The following CMTR1 variants were observed in gnomAD, a reference collection of about 807,000 sequenced individuals.
The protein encoded by CMTR1 is cap methyltransferase 1, also known as cap-specific mRNA (nucleoside-2'-O-)-methyltransferase 1.
In CMTR1, 39 loss-of-function variants were observed where a neutral mutation model predicts 107.0. The observed-to-expected ratio is 0.36, with a 90% CI of 0.28 to 0.48. The LOEUF (loss-of-function observed/expected upper bound fraction) is 0.48. CMTR1 is among the 20% of genes least tolerant of loss of function. CMTR1 has a pLI of 0.99. For missense variants in CMTR1, 672 were observed against 1,064.9 expected (o/e 0.63, Z 5.14); for synonymous variants, 366 against 379.5 (o/e 0.96, Z 0.41).
chr6:37,450,121 G>A, intron 4 of CMTR1, 130 bp from the exon 5 acceptor site: 1 of 677,670 alleles, frequency 1.5e-6, no homozygotes, highest in Non-Finnish European at 2.5e-6. Flanking sequence ...ACTGCATTTG[G>A]CTTCAGCAAC....
chr6:37,480,062 G>T lies in CMTR1; in HGVS notation c.2425G>T (p.Val809Leu). ...CTGGGAGTGGGGGGATGGCATTCGT[G>T]TGCATGACTCCCAGAAGCCCCAGGA... ...LFWEWGDGIR[V>L]HDSQKPQDQD... is the part of the protein sequence containing the mutation. Residue 809 changes from valine (V) to leucine (L), a missense_variant, in exon 24 of 24, where the codon GTG (valine) becomes TTG (leucine). By Grantham distance (32) the Val-to-Leu change is conservative. Coordinates refer to ENST00000373451, the MANE Select transcript of CMTR1 (RefSeq NM_015050.3). 5.0e-6 allele frequency: 8 copies of T among 1,584,586 alleles called. No homozygotes were observed. Among genetic ancestry groups the T allele is most frequent in the Non-Finnish European group, 6.8e-6 (8 of 1,169,370 alleles).
chr6:37,479,081 T>C (rs1258429285), intron 22 of CMTR1, 66 bp from the exon 23 acceptor site: 1 of 1,119,504 alleles, frequency 8.9e-7, no homozygotes, highest in African/African-American at 1.5e-5. Context: ...TGGAGGAAGG[T>C]ACACGCCTGT....
intron 8 of CMTR1, among the ~76,000 whole-genome samples, chr6:37,454,057 C>T (rs1761239004): frequency 6.6e-6 from 1 of 152,204 alleles, no homozygotes; most frequent in South Asian, 2.1e-4. Context: ...TTTCTCTGAA[C>T]ATAGACTCGC....
chr6:37,464,522 C>T (rs1185290512), intron 13 of CMTR1, among the ~76,000 whole-genome samples: 11 of 151,782 alleles, frequency 7.2e-5, no homozygotes, highest in Non-Finnish European at 1.5e-4. Flanking sequence ...TTTTCTTATG[C>T]CCCTACTCAG....
At chr6:37,479,324 T>A in intron 23 of CMTR1, 69 bp downstream of exon 23, 2 of 1,117,686 alleles carry the variant, frequency 1.8e-6, no homozygotes, top group Non-Finnish European at 2.7e-6. Flanking sequence ...GCCAGCCAGC[T>A]GTCTTGGGGG....
chr6:37,469,089 C>T (rs547464446), intron 13 of CMTR1, among the ~76,000 whole-genome samples: 39 of 151,518 alleles, frequency 2.6e-4, no homozygotes, highest in African/African-American at 3.4e-4. Context: ...GAGCCGAGAT[C>T]GTGCCACTGC....
chr6:37,457,192 C>T (rs1353413365), intron 8 of CMTR1, among the ~76,000 whole-genome samples: 1 of 146,922 alleles, frequency 6.8e-6, no homozygotes, highest in Non-Finnish European at 1.5e-5. Flanking sequence ...TGTACTCCAG[C>T]ATGGGCTGAG....
chr6:37,478,340 T>C, intron 21 of CMTR1, 69 bp from the exon 22 acceptor site: 1 of 1,209,460 alleles, frequency 8.3e-7, no homozygotes, highest in Non-Finnish European at 1.2e-6. Flanking sequence ...GTGATTTTAT[T>C]AGTCAGAGAC....
intron 2 of CMTR1, chr6:37,436,352 A>G (rs1401708369): frequency 2.0e-5 from 3 of 152,206 alleles, no homozygotes; most frequent in Non-Finnish European, 2.9e-5. Flanking sequence ...GAATGGTAAA[A>G]TGTCTGGGAG....
At chr6:37,427,854 A>T in the CMTR1 span, among the ~76,000 whole-genome samples, 3 of 152,176 alleles carry the variant, frequency 2.0e-5, no homozygotes, top group Admixed American at 1.3e-4. This position sits in a 1 kb window ranked among gnomAD's most constrained non-coding sequence, Gnocchi z 4.4. Context: ...CTGGATATAG[A>T]ATTCCACGTT....
intron 4 of CMTR1, among the ~76,000 whole-genome samples, chr6:37,446,989 C>T (rs1307314455): frequency 6.6e-6 from 1 of 152,108 alleles, no homozygotes; most frequent in Non-Finnish European, 1.5e-5. Context: ...CCCTGAAGAC[C>T]AAAGGAAACT....
Position 37,458,851 on chromosome 6 carries a change from G to GC in CMTR1, c.976+45dup, listed in dbSNP as rs1414988945. 1 of 1,582,962 alleles carries GC rather than the reference G, an allele frequency of 6.3e-7. No homozygotes were observed. The highest frequency in any genetic ancestry group is 1.1e-5 in the South Asian group (1 of 90,108). On this transcript the variant is annotated intron_variant, in intron 9 of 23. Coordinates refer to ENST00000373451, the MANE Select transcript of CMTR1 (RefSeq NM_015050.3). This position sits in a 1 kb window ranked among gnomAD's most constrained non-coding sequence, Gnocchi z 4.7. Reference sequence around the variant, plus strand: ...AGGGTACTAGGAGGTATGAGGGACAGCCCCTCTATGGGGACTTCAGGTCAG... The same window carrying GC: ...AGGGTACTAGGAGGTATGAGGGACAGCCCCCTCTATGGGGACTTCAGGTCAG...
intron 18 of CMTR1, 64 bp downstream of exon 18, chr6:37,474,710 G>C (rs1761702604): frequency 6.3e-7 from 1 of 1,594,026 alleles, no homozygotes; most frequent in African/African-American, 1.3e-5. Context: ...TGCTGAACCT[G>C]GCCTTTTGCC....
At position 37,465,193 on chromosome 6, in the gene CMTR1, G is replaced by A. The variant is rs182859987; in HGVS notation, c.1505+2185G>A. On this transcript the variant is annotated intron_variant, in intron 13 of 23. Transcript: ENST00000373451. ...TGAGGCAGGAGAATCGCTTGAACCCGGGAGGCGAGGTTGCGGTGAGCCGAG... is the reference window on the plus strand; with the variant it reads ...TGAGGCAGGAGAATCGCTTGAACCCAGGAGGCGAGGTTGCGGTGAGCCGAG... Among the ~76,000 whole-genome samples, 258 of 151,820 alleles carry A rather than the reference G, an allele frequency of 1.7e-3. 5 individuals carry two copies. Among genetic ancestry groups the A allele is most frequent in the Admixed American group, 0.015 (226 of 15,260 alleles).
intron 2 of CMTR1, among the ~76,000 whole-genome samples, chr6:37,441,029 T>C (rs1771663965): frequency 1.3e-5 from 2 of 152,172 alleles, no homozygotes; most frequent in African/African-American, 4.8e-5. Context: ...TGATTTAGCA[T>C]TGTAGCTTGT....
At chr6:37,459,863 C>T (rs1761366004) in intron 10 of CMTR1, among the ~76,000 whole-genome samples, 179 bp downstream of exon 10, 2 of 151,992 alleles carry the variant, frequency 1.3e-5, no homozygotes, top group African/African-American at 4.8e-5. Flanking sequence ...TGTGTAGAGA[C>T]TGATGTTGTG....
At position 37,473,560 on chromosome 6, in the gene CMTR1, A is replaced by G. The variant is rs758541553; in HGVS notation, c.1780A>G (p.Met594Val). 16 of 1,614,008 alleles carry G rather than the reference A, an allele frequency of 9.9e-6. No individual in the cohort carries two copies. Among genetic ancestry groups the G allele is most frequent in the Non-Finnish European group, 1.4e-5 (16 of 1,180,008 alleles). The change falls in exon 17 of 24, where the codon ATG becomes GTG. Residue 594 changes from methionine to valine, a missense_variant. By Grantham distance (21) the Met-to-Val change is conservative. This residue lies in a region of CMTR1 where 583 missense variants were observed against 968.4 expected (regional missense o/e 0.60). Coordinates refer to ENST00000373451, the MANE Select transcript of CMTR1 (RefSeq NM_015050.3). Reference protein sequence around the residue: ...KIRPVFDYRCMVSGSEQKFLI... With the variant: ...KIRPVFDYRCVVSGSEQKFLI... ...CCGCCCTGTGTTTGACTACCGCTGC[A>G]TGGTATCTGGCAGTGAGCAGAAGTT...
At chr6:37,462,219 A>G in intron 12 of CMTR1, 117 bp downstream of exon 12, 1 of 1,229,768 alleles carries the variant, frequency 8.1e-7, no homozygotes, top group Non-Finnish European at 1.2e-6. Context: ...GACTTTAAAG[A>G]AGTGATGAGA....
At chr6:37,454,742 G>C (rs1317041135) in intron 8 of CMTR1, among the ~76,000 whole-genome samples, 1 of 152,094 alleles carries the variant, frequency 6.6e-6, no homozygotes, top group African/African-American at 2.4e-5. Context: ...TAGTGGCCAC[G>C]GAGAATTGCC....
Sources: gnomAD v4.1 joint callset for allele counts (sites outside exome capture counted in the v4.1 genomes callset) on GRCh38, gnomAD v4.1.1 for gene constraint, gnomAD v4.1.1 regional missense constraint, Gnocchi (gnomAD v3.1) non-coding constraint, MANE v1.5 for transcripts, NCBI Gene and HGNC (gene_info 2026-07-23, HGNC 2026-07-21) for gene names.